Variants in CCDC178 observed in about 807,000 individuals in gnomAD.
CCDC178 encodes the protein coiled-coil domain containing 178, also known as coiled-coil domain-containing protein 178.
Under a neutral mutation model 117.4 loss-of-function variants are expected in CCDC178, and 126 were observed. The observed-to-expected ratio is 1.07, with a 90% CI of 0.93 to 1.24. CCDC178 has a LOEUF of 1.24. Ranked by LOEUF, CCDC178 falls within the 50% of genes most tolerant of loss-of-function variation. The probability of loss-of-function intolerance (pLI) is 0.00; values close to 1 mark genes in which losing one functional copy is unlikely to be tolerated. For synonymous variants in CCDC178, 283 were observed against 313.4 expected, an observed-to-expected ratio of 0.90 and a Z score of 1.02; for missense variants, 1,030 against 986.9, an observed-to-expected ratio of 1.04 and a Z score of -0.59.
At chr18:33,423,582 A>AAT (rs1460466499) in intron 2 of CCDC178, among the ~76,000 whole-genome samples, 10 of 152,174 alleles carry the variant, frequency 6.6e-5, no homozygotes, top group Non-Finnish European at 1.3e-4. Flanking sequence ...TTCTTTGTGT[A>AAT]TAGCACTAGA....
intron 21 of CCDC178, among the ~76,000 whole-genome samples, chr18:33,085,224 C>CA (rs1001705099): frequency 6.6e-6 from 1 of 152,130 alleles, no homozygotes. Context: ...CTTCTATATG[C>CA]AAAATATAGT....
intron 21 of CCDC178, among the ~76,000 whole-genome samples, chr18:33,047,968 A>G (rs2056675978): frequency 6.6e-6 from 1 of 152,178 alleles, no homozygotes; most frequent in African/African-American, 2.4e-5. Context: ...TCCCCTCAAA[A>G]AGATATGTTG....
intron 12 of CCDC178, among the ~76,000 whole-genome samples, chr18:33,278,624 A>C (rs1466016530): frequency 1.3e-5 from 2 of 152,110 alleles, no homozygotes; most frequent in African/African-American, 2.4e-5. Context: ...AAAATGACTG[A>C]ATTTACCAAC....
At chr18:33,038,495 T>G (rs771152454) in intron 21 of CCDC178, among the ~76,000 whole-genome samples, 161 of 152,122 alleles carry the variant, frequency 1.1e-3, no homozygotes, top group Non-Finnish European at 1.9e-3. Flanking sequence ...TATTCAGACA[T>G]GCTTCTGACT....
At chr18:33,347,725 T>C (rs1483228693) in intron 8 of CCDC178, among the ~76,000 whole-genome samples, 2 of 152,132 alleles carry the variant, frequency 1.3e-5, no homozygotes, top group Non-Finnish European at 2.9e-5. Context: ...TCTGATTGAA[T>C]ATATATGTGT....
At chr18:33,392,906 A>G (rs2063581697) in intron 4 of CCDC178, among the ~76,000 whole-genome samples, 1 of 152,198 alleles carries the variant, frequency 6.6e-6, no homozygotes, top group Non-Finnish European at 1.5e-5. Flanking sequence ...AAAAATCAAC[A>G]AAATTTCATA....
intron 22 of CCDC178, among the ~76,000 whole-genome samples, chr18:32,973,755 A>G (rs2054976235): frequency 1.3e-5 from 2 of 152,092 alleles, no homozygotes; most frequent in African/African-American, 4.8e-5. Flanking sequence ...TTCAGCATTC[A>G]TTTCATATTA....
intron 20 of CCDC178, among the ~76,000 whole-genome samples, chr18:33,135,874 T>C (rs1223335572): frequency 6.6e-6 from 1 of 152,184 alleles, no homozygotes; most frequent in Non-Finnish European, 1.5e-5. Context: ...CTTCTGGTAA[T>C]AGACACAGAT....
At position 33,395,643 on chromosome 18, in the gene CCDC178, G is replaced by T. The variant is rs373695181; in HGVS notation, c.118+1506C>A. 7.9e-5 allele frequency among the ~76,000 whole-genome samples: 12 copies of T among 152,182 alleles called. No homozygotes were observed. In the East Asian group the frequency reaches 1.9e-3, roughly 25 times the overall value. On this transcript the variant is annotated intron_variant, in intron 4 of 22. Transcript: ENST00000383096. ...CTATGCTTGAATTTGTTTTAAGTTT[G>T]TGCCATATCGGTACAGTGCTATGTT...
intron 12 of CCDC178, among the ~76,000 whole-genome samples, chr18:33,285,801 T>A (rs2060091667): frequency 6.6e-6 from 1 of 152,158 alleles, no homozygotes; most frequent in African/African-American, 2.4e-5. Flanking sequence ...ATCTTTAGCA[T>A]GGTCATTAGT....
At chr18:33,075,969 GA>G (rs111235019) in intron 21 of CCDC178, among the ~76,000 whole-genome samples, 12 of 151,730 alleles carry the variant, frequency 7.9e-5, no homozygotes, top group Admixed American at 2.0e-4. Context: ...AACTTCATCT[GA>G]AAAAAAATTA....
chr18:33,072,126 T>A (rs529051285), intron 21 of CCDC178, among the ~76,000 whole-genome samples: 3 of 152,258 alleles, frequency 2.0e-5, no homozygotes, highest in African/African-American at 7.2e-5. Context: ...CCTTCTAATT[T>A]TGGTTACTAA....
intron 21 of CCDC178, among the ~76,000 whole-genome samples, chr18:33,069,817 C>A (rs2057078453): frequency 6.6e-6 from 1 of 151,926 alleles, no homozygotes; most frequent in South Asian, 2.1e-4. Flanking sequence ...GGTATTCAAA[C>A]AAGTCAACAG....
At chr18:33,008,327 C>T (rs565526030) in intron 21 of CCDC178, among the ~76,000 whole-genome samples, 19 of 152,140 alleles carry the variant, frequency 1.2e-4, no homozygotes, top group African/African-American at 4.3e-4. Flanking sequence ...AAACATTGTC[C>T]ACAAATTTCC....
intron 22 of CCDC178, among the ~76,000 whole-genome samples, chr18:32,968,027 T>C (rs959882416): frequency 6.6e-6 from 1 of 151,824 alleles, no homozygotes; most frequent in African/African-American, 2.4e-5. Context: ...CTCTTTTAGC[T>C]ATTTTGAAAT....
intron 20 of CCDC178, among the ~76,000 whole-genome samples, chr18:33,126,534 C>A (rs772610957): frequency 6.6e-6 from 1 of 151,744 alleles, no homozygotes; most frequent in South Asian, 2.1e-4. Flanking sequence ...CCAGGACCCC[C>A]TGCATATACT....
intron 4 of CCDC178, among the ~76,000 whole-genome samples, chr18:33,393,551 G>A (rs961070357): frequency 6.6e-6 from 1 of 151,988 alleles, no homozygotes; most frequent in African/African-American, 2.4e-5. Flanking sequence ...GCTTAGTTTT[G>A]TCTTTTTCTT....
At chr18:33,121,185 G>A (rs1295260659) in intron 20 of CCDC178, among the ~76,000 whole-genome samples, 1 of 152,142 alleles carries the variant, frequency 6.6e-6, no homozygotes, top group Non-Finnish European at 1.5e-5. Context: ...TAAACTGGAT[G>A]AGTCTGATTT....
Position 33,302,669 on chromosome 18 carries a change from T to C in CCDC178, c.1023-9357A>G, listed in dbSNP as rs146515117. On this transcript the variant is annotated intron_variant, in intron 11 of 22. Coordinates refer to ENST00000383096, the MANE Select transcript of CCDC178 (RefSeq NM_001105528.4). ...GTGATATGTATACACGACGTAATAC[T>C]ATTCTCCACAAAAAGAATGAAATCT... Among the ~76,000 whole-genome samples, 117 of 152,366 alleles carry C rather than the reference T, an allele frequency of 7.7e-4. 1 individual carries two copies. The highest frequency in any genetic ancestry group is 2.6e-3 in the African/African-American group (107 of 41,580).
Sources: gnomAD v4.1 joint callset for allele counts (sites outside exome capture counted in the v4.1 genomes callset) on GRCh38, gnomAD v4.1.1 for gene constraint, MANE v1.5 for transcripts, NCBI Gene and HGNC (gene_info 2026-07-23, HGNC 2026-07-21) for gene names.